COL11A1: variants seen among roughly 807,000 people sequenced by gnomAD.
The protein encoded by COL11A1 is collagen alpha-1(XI) chain.
Under a neutral mutation model 265.2 loss-of-function variants are expected in COL11A1, and 74 were observed. That is an observed-to-expected ratio of 0.28 (90% CI 0.23 to 0.34). COL11A1 has a LOEUF of 0.34. Ranked by LOEUF, COL11A1 falls within the 10% of genes least tolerant of loss-of-function variation. The probability of loss-of-function intolerance (pLI) is 1.00; values close to 1 mark genes in which losing one functional copy is unlikely to be tolerated. For missense variants in COL11A1, 2,165 were observed against 2,263.6 expected, an observed-to-expected ratio of 0.96 and a Z score of 0.88; for synonymous variants, 816 against 727.6, an observed-to-expected ratio of 1.12 and a Z score of -1.96.
At chr1:102,932,498 G>C (rs1340892012) in intron 46 of COL11A1, among the ~76,000 whole-genome samples, 4 of 152,070 alleles carry the variant, frequency 2.6e-5, no homozygotes, top group Non-Finnish European at 5.9e-5. Context: ...AGGGTAACCC[G>C]ACCTTTCTCT....
chr1:102,984,000 C>A (rs1244516303), intron 31 of COL11A1, 138 bp downstream of exon 31: 4 of 630,024 alleles, frequency 6.3e-6, no homozygotes, highest in Non-Finnish European at 1.1e-5. Context: ...GGCGTCCACA[C>A]ACTCTATGAT....
At chr1:102,947,904 T>C (rs567847944) in intron 41 of COL11A1, among the ~76,000 whole-genome samples, 99 of 151,974 alleles carry the variant, frequency 6.5e-4, no homozygotes, top group African/African-American at 2.3e-3. Context: ...ACAATTTATC[T>C]TTTTATTTTA....
chr1:102,888,984 C>A lies in COL11A1; in HGVS notation c.4465-65G>T, dbSNP rs150545115. 7,340 of 1,456,326 alleles carry A rather than the reference C, an allele frequency of 5.0e-3. 26 individuals are homozygous for A. The highest frequency in any genetic ancestry group is 6.1e-3 in the Non-Finnish European group (6,356 of 1,037,200). 90.2% of individuals were successfully genotyped at this position (1,456,326 alleles called of 1,614,324 possible). The stretch of plus-strand genomic sequence containing the variant: ...CTATTTCATTTTCATGTTTTCATAA[C>A]TTTTCAATATTTTCATAACAGCATA... On this transcript the variant is annotated intron_variant, in intron 59 of 66. Coordinates refer to ENST00000370096, the MANE Select transcript of COL11A1 (RefSeq NM_001854.4).
At chr1:102,951,668 A>T (rs566660998) in intron 41 of COL11A1, among the ~76,000 whole-genome samples, 1 of 152,230 alleles carries the variant, frequency 6.6e-6, no homozygotes, top group Non-Finnish European at 1.5e-5. Context: ...TGAATCCGGG[A>T]GGTGGAGCTT....
At chr1:102,890,252 A>C (rs1651574008) in intron 58 of COL11A1, among the ~76,000 whole-genome samples, 199 bp downstream of exon 58, 1 of 152,080 alleles carries the variant, frequency 6.6e-6, no homozygotes, top group African/African-American at 2.4e-5. Flanking sequence ...TATAGCACTG[A>C]ATTCCAGCAC....
At chr1:103,030,734 C>T (rs1667917250) in intron 5 of COL11A1, among the ~76,000 whole-genome samples, 2 of 151,958 alleles carry the variant, frequency 1.3e-5, no homozygotes, top group African/African-American at 4.8e-5. Flanking sequence ...TATGCATTGC[C>T]AAAGGCCTAG....
Position 103,103,583 on chromosome 1 carries a change from A to AC in COL11A1, c.106+4489dup, listed in dbSNP as rs747791755. ...TTCTATTTAAATTTCTTTATATAAG[A>AC]CATTTTCACTATATCTACCTTCTCA... On this transcript the variant is annotated intron_variant, in intron 1 of 66. Transcript: ENST00000370096. Among the ~76,000 whole-genome samples, 3 of 152,142 alleles carry AC rather than the reference A, an allele frequency of 2.0e-5. No homozygotes were observed. In the East Asian group the frequency reaches 5.8e-4, roughly 29 times the overall value.
chr1:103,039,445 A>T (rs568649171), intron 4 of COL11A1, among the ~76,000 whole-genome samples: 9 of 152,146 alleles, frequency 5.9e-5, no homozygotes, highest in African/African-American at 2.2e-4. Context: ...GAAGGTAATT[A>T]AGGTTAAACG....
At chr1:103,053,420 T>A (rs1018525049) in intron 4 of COL11A1, among the ~76,000 whole-genome samples, 9 of 152,188 alleles carry the variant, frequency 5.9e-5, no homozygotes, top group Non-Finnish European at 7.4e-5. Flanking sequence ...TTGAGGCTGT[T>A]GTATAGTAAA....
chr1:103,065,573 CA>C (rs61016929), intron 4 of COL11A1, among the ~76,000 whole-genome samples: 4,775 of 130,686 alleles, frequency 0.037, 122 homozygotes, highest in Middle Eastern at 0.11. Context: ...AACAAACAAA[CA>C]AAAAAAATAG....
intron 47 of COL11A1, 24 bp from the exon 48 acceptor site, chr1:102,921,595 T>A: frequency 6.3e-7 from 1 of 1,589,874 alleles, no homozygotes; most frequent in Non-Finnish European, 8.6e-7. Context: ...ATATTGAGGT[T>A]TACAAAGACC....
intron 4 of COL11A1, among the ~76,000 whole-genome samples, chr1:103,050,388 C>T (rs183280960): frequency 9.2e-5 from 14 of 152,304 alleles, no homozygotes; most frequent in South Asian, 4.1e-4. Context: ...TCCAGTTGAT[C>T]GCATCGGCTA....
chr1:103,099,474 T>C (rs915056932), intron 1 of COL11A1, among the ~76,000 whole-genome samples: 2 of 149,492 alleles, frequency 1.3e-5, no homozygotes, highest in Non-Finnish European at 3.0e-5. Context: ...TGGATATATA[T>C]ATATATATTA....
chr1:103,073,657 TG>T (rs1671750803), intron 4 of COL11A1, among the ~76,000 whole-genome samples: 1 of 151,894 alleles, frequency 6.6e-6, no homozygotes. Flanking sequence ...CTTTCACAAA[TG>T]TTTATTATAA....
At chr1:102,924,118 G>A (rs1656309718) in intron 46 of COL11A1, among the ~76,000 whole-genome samples, 1 of 152,064 alleles carries the variant, frequency 6.6e-6, no homozygotes, top group Non-Finnish European at 1.5e-5. Context: ...CTACTCGGGA[G>A]GCTGAGGCAG....
At chr1:102,951,787 T>C (rs1056852937) in intron 41 of COL11A1, among the ~76,000 whole-genome samples, 4 of 151,936 alleles carry the variant, frequency 2.6e-5, no homozygotes, top group Non-Finnish European at 5.9e-5. Flanking sequence ...AGGCTTCAAA[T>C]GTACACACAT....
chr1:102,909,462 G>A (rs1156432515), intron 54 of COL11A1, among the ~76,000 whole-genome samples: 1 of 152,012 alleles, frequency 6.6e-6, no homozygotes, highest in Non-Finnish European at 1.5e-5. Flanking sequence ...TACTAAAAAA[G>A]GATGCTTCAT....
chr1:102,929,066 A>C (rs543839844), intron 46 of COL11A1, among the ~76,000 whole-genome samples: 98 of 144,314 alleles, frequency 6.8e-4, no homozygotes, highest in African/African-American at 1.6e-3. Context: ...ACGGTAGTTT[A>C]TTTTGCTGTG....
intron 36 of COL11A1, 138 bp downstream of exon 36, chr1:102,974,692 T>C (rs1662295641): frequency 2.9e-6 from 2 of 682,640 alleles, no homozygotes; most frequent in African/African-American, 1.8e-5. Context: ...TAAAAATGTC[T>C]ACTTTCTTTG....
Sources: allele counts gnomAD v4.1 joint callset (sites outside exome capture counted in the v4.1 genomes callset), GRCh38; gene constraint gnomAD v4.1.1; transcripts MANE v1.5; gene names NCBI Gene and HGNC (gene_info 2026-07-23, HGNC 2026-07-21).